Variants in PANX1 observed in about 807,000 individuals in gnomAD.
PANX1 encodes the protein pannexin-1.
In PANX1, 30 loss-of-function variants were observed where a neutral mutation model predicts 38.7. That is an observed-to-expected ratio of 0.78 (90% confidence interval 0.58 to 1.05). The LOEUF is 1.05. PANX1 is among the 50% of genes least tolerant of loss of function. The pLI, the probability that PANX1 is intolerant of heterozygous loss-of-function variation, is 0.00. For missense variants in PANX1, 551 were observed against 517.2 expected (o/e 1.07, Z -0.63); for synonymous variants, 230 against 212.2 (o/e 1.08, Z -0.73).
intron 2 of PANX1, among the ~76,000 whole-genome samples, chr11:94,168,823 G>C (rs981237683): frequency 6.6e-6 from 1 of 151,680 alleles, no homozygotes; most frequent in Non-Finnish European, 1.5e-5. Flanking sequence ...GAGGTGGGAA[G>C]TGCATCTTTT....
At chr11:94,175,042 T>C (rs1947216856) in intron 2 of PANX1, among the ~76,000 whole-genome samples, 3 of 151,748 alleles carry the variant, frequency 2.0e-5, no homozygotes, top group Admixed American at 2.0e-4. Context: ...AATAGTGCCA[T>C]CATGGCTTCA....
intron 2 of PANX1, among the ~76,000 whole-genome samples, chr11:94,167,188 C>G (rs1055722157): frequency 1.3e-5 from 2 of 152,138 alleles, no homozygotes; most frequent in African/African-American, 4.8e-5. Context: ...GCTCTCCCTC[C>G]TTCAAGCACA....
intron 2 of PANX1, among the ~76,000 whole-genome samples, chr11:94,164,932 ACTTTTTAT>A (rs766594439): frequency 8.6e-5 from 13 of 151,944 alleles, no homozygotes; most frequent in Non-Finnish European, 1.5e-4. Flanking sequence ...ATAATGACTT[ACTTTTTAT>A]CTTTTTACAG....
intron 2 of PANX1, among the ~76,000 whole-genome samples, chr11:94,172,799 A>T (rs1030998948): frequency 2.0e-5 from 3 of 151,726 alleles, no homozygotes; most frequent in Non-Finnish European, 4.4e-5. Flanking sequence ...CATTTCATAG[A>T]TCCGTGGGAA....
Position 94,129,355 on chromosome 11 carries a change from T to A in PANX1, c.43T>A (p.Phe15Ile). The A allele has an allele frequency of 1.2e-6, 2 of 1,613,750 alleles. No individual in the cohort carries two copies. Among genetic ancestry groups the A allele is most frequent in the Non-Finnish European group, 1.7e-6 (2 of 1,179,776 alleles). Residue 15 changes from phenylalanine to isoleucine, a missense_variant, in exon 1 of 5, where the codon TTC (phenylalanine) becomes ATC (isoleucine). Phe to Ile is a conservative substitution (Grantham distance 21, BLOSUM62 0). Transcript: ENST00000227638. ...QLATEYVFSD[F>I]LLKEPTEPKF... ...GGCCACGGAGTACGTGTTCTCGGAT[T>A]TCTTGCTGAAGGAGCCCACGGAGCC...
In PANX1 at chr11:94,179,695, C is replaced by A. The variant is rs1360065723; in HGVS notation, c.639C>A (p.Tyr213Ter). ...ATTCTAATAATTTAATCATCAAGTA[C>A]ATTAGCTGCCGCCTGCTGACACTCA... Reference protein sequence around the residue: ...KKNSNNLIIKYISCRLLTLII... With the variant: ...KKNSNNLIIK The change falls in exon 4 of 5, where the codon TAC becomes TAA. Residue 213 changes from tyrosine (Y) to a stop codon, truncating the protein, a stop_gained. Coordinates refer to ENST00000227638, the MANE Select transcript of PANX1 (RefSeq NM_015368.4). LOFTEE classifies it high-confidence loss of function. 1 of 1,613,668 alleles carries A rather than the reference C, an allele frequency of 6.2e-7. No individual in the cohort carries two copies. Among genetic ancestry groups the A allele is most frequent in the South Asian group, 1.1e-5 (1 of 91,028 alleles).
At chr11:94,145,165 G>C (rs935097155) in intron 1 of PANX1, among the ~76,000 whole-genome samples, 1 of 152,170 alleles carries the variant, frequency 6.6e-6, no homozygotes, top group South Asian at 2.1e-4. Context: ...TAGCGTGTAC[G>C]TGATGCCCCG....
At chr11:94,146,779 A>T (rs1946832681) in intron 1 of PANX1, among the ~76,000 whole-genome samples, 1 of 152,230 alleles carries the variant, frequency 6.6e-6, no homozygotes, top group South Asian at 2.1e-4. Flanking sequence ...GACTACAGAG[A>T]TAGGACAACT....
intron 1 of PANX1, among the ~76,000 whole-genome samples, chr11:94,145,882 G>A (rs948414268): frequency 6.6e-6 from 1 of 152,192 alleles, no homozygotes; most frequent in East Asian, 1.9e-4. Flanking sequence ...GAACCCAGTG[G>A]TAGTGGATTA....
chr11:94,152,658 G>A (rs1052358508), intron 1 of PANX1, among the ~76,000 whole-genome samples: 12 of 152,326 alleles, frequency 7.9e-5, no homozygotes, highest in African/African-American at 2.9e-4. Flanking sequence ...TGAGCCTTAC[G>A]ATCCTATTGG....
chr11:94,162,879 T>TTTTTTC (rs1947062777), intron 2 of PANX1, among the ~76,000 whole-genome samples: 1 of 147,300 alleles, frequency 6.8e-6, no homozygotes, highest in Admixed American at 6.8e-5. Flanking sequence ...CTCTTTTTTT[T>TTTTTTC]TTTTTTTTTT....
At chr11:94,180,758 C>T (rs1268407344) in intron 4 of PANX1, 32 bp from the exon 5 acceptor site, 1 of 1,163,546 alleles carries the variant, frequency 8.6e-7, no homozygotes, top group South Asian at 1.2e-5. Flanking sequence ...TGCTATGTTT[C>T]TGTCATAAAT....
intron 2 of PANX1, among the ~76,000 whole-genome samples, chr11:94,165,630 G>T (rs1466875142): frequency 6.6e-6 from 1 of 152,158 alleles, no homozygotes; most frequent in African/African-American, 2.4e-5. Context: ...TGGTTATGTG[G>T]CCGGGCACAG....
chr11:94,163,784 T>G (rs1947073728), intron 2 of PANX1, among the ~76,000 whole-genome samples: 1 of 152,206 alleles, frequency 6.6e-6, no homozygotes, highest in Non-Finnish European at 1.5e-5. Context: ...TCAGTTTTTT[T>G]GAATACTTTA....
At chr11:94,131,173 A>G (rs1441674527) in intron 1 of PANX1, among the ~76,000 whole-genome samples, 1 of 152,096 alleles carries the variant, frequency 6.6e-6, no homozygotes, top group Non-Finnish European at 1.5e-5. Context: ...TGGAGGTGCA[A>G]GTCTTGGGTA....
intron 1 of PANX1, among the ~76,000 whole-genome samples, chr11:94,151,992 T>G (rs1403716239): frequency 6.6e-6 from 1 of 152,178 alleles, no homozygotes; most frequent in Non-Finnish European, 1.5e-5. Flanking sequence ...TCTCCATCAC[T>G]TCTCTCTTGT....
At chr11:94,137,956 T>G in intron 1 of PANX1, among the ~76,000 whole-genome samples, 1 of 141,972 alleles carries the variant, frequency 7.0e-6, no homozygotes, top group Non-Finnish European at 1.5e-5. Flanking sequence ...CATGGAATGT[T>G]GTGCACGTGT....
chr11:94,153,107 C>G (rs1184715774), intron 1 of PANX1, among the ~76,000 whole-genome samples: 1 of 152,170 alleles, frequency 6.6e-6, no homozygotes, highest in African/African-American at 2.4e-5. Flanking sequence ...TTTCCGCATT[C>G]AGGTGCCTCA....
chr11:94,133,412 A>G lies in PANX1; in HGVS notation c.181+3919A>G, dbSNP rs147123017. 5.7e-4 allele frequency among the ~76,000 whole-genome samples: 87 copies of G among 152,224 alleles called. No homozygotes were observed. In the East Asian group the frequency reaches 0.015, roughly 26 times the overall value. ...TGGTGCCATGGTCAAGGTGGAGGCA[A>G]CTTTGGTAGTCTTTGCGGCAGCCAC... On this transcript the variant is annotated intron_variant, in intron 1 of 4. Coordinates refer to ENST00000227638, the MANE Select transcript of PANX1 (RefSeq NM_015368.4).
Sources: gnomAD v4.1 joint callset for allele counts (sites outside exome capture counted in the v4.1 genomes callset) on GRCh38, gnomAD v4.1.1 for gene constraint, MANE v1.5 for transcripts, NCBI Gene and HGNC (gene_info 2026-07-23, HGNC 2026-07-21) for gene names.